Variants in NAALADL2 observed in about 807,000 individuals in gnomAD.
NAALADL2 encodes inactive N-acetylated-alpha-linked acidic dipeptidase-like protein 2.
Under a neutral mutation model 87.2 loss-of-function variants are expected in NAALADL2, and 76 were observed. The observed-to-expected ratio is 0.87, with a 90% CI of 0.72 to 1.05. The LOEUF is 1.05. NAALADL2 is among the 50% of genes least tolerant of loss of function. The pLI, the probability that NAALADL2 is intolerant of heterozygous loss-of-function variation, is 0.00. For missense variants in NAALADL2, 1,089 were observed against 945.8 expected, an observed-to-expected ratio of 1.15 and a Z score of -1.99; for synonymous variants, 354 against 331.0, an observed-to-expected ratio of 1.07 and a Z score of -0.75.
At chr3:174,870,838 C>T (rs1727742118) in intron 1 of NAALADL2, among the ~76,000 whole-genome samples, 1 of 152,110 alleles carries the variant, frequency 6.6e-6, no homozygotes, top group South Asian at 2.1e-4. Context: ...TATTCACAGT[C>T]CCTTTTATAG....
chr3:175,273,901 CA>C (rs1560273215), intron 4 of NAALADL2, among the ~76,000 whole-genome samples: 1 of 151,826 alleles, frequency 6.6e-6, no homozygotes, highest in African/African-American at 2.4e-5. Flanking sequence ...AATTTTTTAA[CA>C]AATTAAAATC....
intron 1 of NAALADL2, among the ~76,000 whole-genome samples, chr3:174,873,199 GTCTCTC>G (rs3884084): frequency 6.7e-6 from 1 of 148,454 alleles, no homozygotes; most frequent in Non-Finnish European, 1.5e-5. Context: ...CTCTCTGTCT[GTCTCTC>G]TCTCTCTCTC....
intron 11 of NAALADL2, chr3:175,718,227 T>TTTTTTTTTTTTAAAA: frequency 5.8e-6 from 6 of 1,037,682 alleles, no homozygotes; most frequent in Non-Finnish European, 8.4e-6. Context: ...TTTTTTTGAT[T>TTTTTTTTTTTTAAAA]AGTTGCTGTA....
intron 11 of NAALADL2, among the ~76,000 whole-genome samples, chr3:175,698,733 A>C (rs962727784): frequency 2.6e-5 from 4 of 151,722 alleles, no homozygotes; most frequent in Non-Finnish European, 5.9e-5. Context: ...CATTATAACC[A>C]TTTAGCCACA....
At chr3:174,569,105 A>C (rs1714627530) in intron 2 of NAALADL2, among the ~76,000 whole-genome samples, 1 of 151,684 alleles carries the variant, frequency 6.6e-6, no homozygotes, top group Non-Finnish European at 1.5e-5. Flanking sequence ...TGATCATATT[A>C]TAGCTTTCAT....
chr3:174,854,741 A>G (rs1249216100), upstream of NAALADL2, among the ~76,000 whole-genome samples: 8 of 152,164 alleles, frequency 5.3e-5, no homozygotes, highest in African/African-American at 1.9e-4. Context: ...TAAAATAACA[A>G]AAGTATAATA....
At chr3:175,721,689 C>A (rs544393669) in intron 11 of NAALADL2, among the ~76,000 whole-genome samples, 3 of 152,140 alleles carry the variant, frequency 2.0e-5, no homozygotes, top group South Asian at 4.2e-4. Flanking sequence ...CATCTACTAT[C>A]ACAATGTAAA....
At chr3:174,506,800 A>C (rs985981996) in intron 1 of NAALADL2, among the ~76,000 whole-genome samples, 1 of 152,098 alleles carries the variant, frequency 6.6e-6, no homozygotes, top group African/African-American at 2.4e-5. Flanking sequence ...TTGACGTTGA[A>C]TACATTTTGA....
intron 5 of NAALADL2, among the ~76,000 whole-genome samples, chr3:175,408,871 G>A (rs1226497555): frequency 1.3e-5 from 2 of 151,928 alleles, no homozygotes; most frequent in Non-Finnish European, 2.9e-5. Flanking sequence ...TGAAAAAGTT[G>A]AGAAAATTGA....
At chr3:174,962,055 C>G (rs1401603290) in intron 1 of NAALADL2, among the ~76,000 whole-genome samples, 1 of 151,914 alleles carries the variant, frequency 6.6e-6, no homozygotes, top group Non-Finnish European at 1.5e-5. Flanking sequence ...CTCTCTACCT[C>G]TCTTCATTTC....
rs187444604 is a variant in NAALADL2 at position 175,363,602 on chromosome 3, C to T, written c.1090+39277C>T. Among the ~76,000 whole-genome samples, 35 of 147,866 alleles carry T rather than the reference C, an allele frequency of 2.4e-4. 1 individual carries two copies. The highest frequency in any genetic ancestry group is 1.2e-3 in the East Asian group (6 of 4,994). On this transcript the variant is annotated intron_variant, in intron 5 of 13. Coordinates refer to ENST00000454872, the MANE Select transcript of NAALADL2 (RefSeq NM_207015.3). ...ATTTCCCTTGGTTCAACTAAACACA[C>T]GCATACACATAAACATGCATGTACC...
intron 4 of NAALADL2, among the ~76,000 whole-genome samples, chr3:175,315,740 A>G (rs1403538994): frequency 1.3e-5 from 2 of 152,110 alleles, no homozygotes; most frequent in African/African-American, 4.8e-5. Context: ...ATTTACTCAG[A>G]AGAATTTTAA....
At chr3:174,513,650 T>C (rs1305966618) in intron 1 of NAALADL2, 1 of 152,196 alleles carries the variant, frequency 6.6e-6, no homozygotes, top group East Asian at 1.9e-4. Flanking sequence ...GGTTTAGAGA[T>C]CTTTTTGTCA....
intron 1 of NAALADL2, among the ~76,000 whole-genome samples, chr3:174,513,033 C>G (rs1176498102): frequency 6.6e-6 from 1 of 151,434 alleles, no homozygotes; most frequent in Non-Finnish European, 1.5e-5. Context: ...GTGATCTTGG[C>G]TCACTGCAAC....
intron 11 of NAALADL2, among the ~76,000 whole-genome samples, chr3:175,650,282 A>G (rs1055162448): frequency 2.0e-5 from 3 of 152,210 alleles, no homozygotes. Flanking sequence ...TTATAGAGAC[A>G]GAAAGCAGAG....
chr3:175,359,266 C>T (rs565362010), intron 5 of NAALADL2, among the ~76,000 whole-genome samples: 1 of 152,002 alleles, frequency 6.6e-6, no homozygotes, highest in Admixed American at 6.6e-5. Context: ...AATGACCTCC[C>T]AGAAAACTAA....
At chr3:174,608,718 G>T (rs549869736) in intron 2 of NAALADL2, among the ~76,000 whole-genome samples, 1 of 149,492 alleles carries the variant, frequency 6.7e-6, no homozygotes, top group Non-Finnish European at 1.5e-5. Context: ...ATTCACAGCC[G>T]AATTCTACCA....
At chr3:174,868,780 G>T (rs1053090834) in intron 1 of NAALADL2, among the ~76,000 whole-genome samples, 2 of 152,112 alleles carry the variant, frequency 1.3e-5, no homozygotes, top group Non-Finnish European at 2.9e-5. Context: ...ATTCTAAACT[G>T]TAATTGTATA....
At chr3:174,860,662 A>G (rs1726378539) in intron 1 of NAALADL2, among the ~76,000 whole-genome samples, 2 of 152,136 alleles carry the variant, frequency 1.3e-5, no homozygotes, top group African/African-American at 4.8e-5. Context: ...AGCCTATTCT[A>G]GGCTGTGTGG....
Sources: allele counts gnomAD v4.1 joint callset (sites outside exome capture counted in the v4.1 genomes callset), GRCh38; gene constraint gnomAD v4.1.1; transcripts MANE v1.5; gene names NCBI Gene and HGNC (gene_info 2026-07-23, HGNC 2026-07-21).